ANP32A: variants seen among roughly 807,000 people sequenced by gnomAD.
ANP32A encodes the protein acidic leucine-rich nuclear phosphoprotein 32 family member A.
A neutral mutation model predicts 33.9 loss-of-function variants in ANP32A; 1 was observed. The observed-to-expected ratio is 0.03, with a 90% CI of 0.01 to 0.14. The LOEUF is 0.14. ANP32A is among the 10% of genes least tolerant of loss of function. ANP32A has a pLI of 1.00. For synonymous variants in ANP32A, 115 were observed against 120.5 expected (o/e 0.95, Z 0.30); for missense variants, 155 against 306.0 (o/e 0.51, Z 3.68).
chr15:68,798,114 T>C (rs1209664692), intron 1 of ANP32A, among the ~76,000 whole-genome samples: 2 of 152,208 alleles, frequency 1.3e-5, no homozygotes, highest in African/African-American at 4.8e-5. Context: ...GAAGCCCAGC[T>C]TGGCTGGGAC....
intron 1 of ANP32A, among the ~76,000 whole-genome samples, chr15:68,807,081 T>C (rs1014290269): frequency 2.6e-5 from 4 of 152,242 alleles, no homozygotes; most frequent in Non-Finnish European, 5.9e-5. Flanking sequence ...GCTATTGGAC[T>C]TGGCTGAGAG....
chr15:68,780,625 G>GTTCTTTACATTTATTTCTTTCA lies in ANP32A; in HGVS notation c.625-153_625-152insTGAAAGAAATAAATGTAAAGAA. 4.5e-6 allele frequency: 6 copies of GTTCTTTACATTTATTTCTTTCA among 1,321,846 alleles called. No individual in the cohort carries two copies. The highest frequency in any genetic ancestry group is 5.0e-6 in the Non-Finnish European group (5 of 998,744). The allele number at this position is 1,321,846 out of a possible 1,614,324, so 81.9% of individuals were successfully genotyped here. On this transcript the variant is annotated intron_variant, in intron 5 of 6. Transcript: ENST00000465139. The surrounding 1 kb of genome is among the most constrained non-coding windows in gnomAD (Gnocchi z 4.3). ...ATCTCGGGAGGAATGTAAAGCAGAG[G>GTTCTTTACATTTATTTCTTTCA]TTCTTAATTTATTTCAGATCAAGGA...
chr15:68,803,145 G>A (rs549487088), intron 1 of ANP32A, among the ~76,000 whole-genome samples: 3 of 152,316 alleles, frequency 2.0e-5, no homozygotes, highest in South Asian at 4.1e-4. Flanking sequence ...CACAAGGGCC[G>A]CTCAGTGTGC....
intron 1 of ANP32A, among the ~76,000 whole-genome samples, chr15:68,816,735 G>A (rs923392981): frequency 1.3e-5 from 2 of 152,172 alleles, no homozygotes; most frequent in African/African-American, 2.4e-5. Flanking sequence ...CACAAGGGCA[G>A]GTAAACGTAT....
At chr15:68,797,226 T>C (rs1247117799) in intron 1 of ANP32A, among the ~76,000 whole-genome samples, 1 of 152,214 alleles carries the variant, frequency 6.6e-6, no homozygotes, top group East Asian at 1.9e-4. Flanking sequence ...TCCCATCTGA[T>C]GTCTATCCTC....
At chr15:68,791,510 T>G (rs2140362630) in intron 1 of ANP32A, 1 of 152,788 alleles carries the variant, frequency 6.5e-6, no homozygotes, top group African/African-American at 2.4e-5. Context: ...TCTGCTCTGG[T>G]TACACATCCT....
rs552302215 is a variant in ANP32A at position 68,820,857 on chromosome 15, C to A, written c.-106G>T. 1 of 1,380,342 alleles carries A rather than the reference C, an allele frequency of 7.2e-7. No homozygotes were observed. Among genetic ancestry groups the A allele is most frequent in the East Asian group, 2.4e-5 (1 of 41,978 alleles). The allele number at this position is 1,380,342 out of a possible 1,614,324, so 85.5% of individuals were successfully genotyped here. ...AGGACTTTGAAGGCTCAACCAGCTCCGCTCGGTTCTCGAGCCCCCAGCACC... is the reference window on the plus strand; with the variant it reads ...AGGACTTTGAAGGCTCAACCAGCTCAGCTCGGTTCTCGAGCCCCCAGCACC... On this transcript the variant is annotated 5_prime_UTR_variant, in exon 1 of 7. Transcript: ENST00000465139.
rs560860942 is a variant in ANP32A, at chr15:68,818,724, C to A, written c.54+1974G>T. 8.5e-5 allele frequency among the ~76,000 whole-genome samples: 13 copies of A among 152,112 alleles called. No individual in the cohort carries two copies. In the South Asian group the frequency reaches 2.3e-3, roughly 27 times the overall value. ...GGTCGGGTTCGCCAGGCCAGCCGCG[C>A]CCCCGCACCCACCCGCGGCGACCCC... On this transcript the variant is annotated intron_variant, in intron 1 of 6. Transcript: ENST00000465139.
rs144629087 is a variant in ANP32A, at chr15:68,801,083, T to G, written c.55-13164A>C. Among the ~76,000 whole-genome samples the G allele has an allele frequency of 3.3e-5, 5 of 152,182 alleles. No homozygotes were observed. The East Asian group carries it at 7.7e-4, about 24-fold the overall frequency. ...CTTTACCCACAGGGGACATTCCACATGCAACTGGTGGTAGGATAGTGGGTT... is the reference window on the plus strand; with the variant it reads ...CTTTACCCACAGGGGACATTCCACAGGCAACTGGTGGTAGGATAGTGGGTT... On this transcript the variant is annotated intron_variant, in intron 1 of 6. Transcript: ENST00000465139.
At chr15:68,795,286 C>T (rs1894048983) in intron 1 of ANP32A, among the ~76,000 whole-genome samples, 1 of 152,158 alleles carries the variant, frequency 6.6e-6, no homozygotes, top group Non-Finnish European at 1.5e-5. Context: ...AAAAAATCTC[C>T]CCAAGAAAAA....
chr15:68,815,632 G>C (rs769972175), intron 1 of ANP32A, among the ~76,000 whole-genome samples: 2 of 152,180 alleles, frequency 1.3e-5, no homozygotes, highest in Non-Finnish European at 2.9e-5. Flanking sequence ...TGGAGCCCAG[G>C]AATCTGCATT....
intron 3 of ANP32A, among the ~76,000 whole-genome samples, chr15:68,786,448 TG>T (rs1893935029): frequency 6.6e-6 from 1 of 151,878 alleles, no homozygotes; most frequent in Admixed American, 6.6e-5. Context: ...TTAGTACAGA[TG>T]GGGTGTCACC....
In ANP32A at chr15:68,807,407, C is replaced by T. The variant is rs1055300900; in HGVS notation, c.54+13291G>A. ...CCTGCAGCTTGGCTGGTATTCCTCCCGCCCCACCTCCACAGAAAACGGGGG... is the reference window on the plus strand; with the variant it reads ...CCTGCAGCTTGGCTGGTATTCCTCCTGCCCCACCTCCACAGAAAACGGGGG... On this transcript the variant is annotated intron_variant, in intron 1 of 6. Coordinates refer to ENST00000465139, the MANE Select transcript of ANP32A (RefSeq NM_006305.4). Among the ~76,000 whole-genome samples, 10 of 144,572 alleles carry T rather than the reference C, an allele frequency of 6.9e-5. No individual in the cohort carries two copies. In the South Asian group the frequency reaches 9.1e-4, roughly 13 times the overall value. The allele number at this position is 144,572 out of a possible 152,430, so 94.8% of individuals were successfully genotyped here. A position where few individuals can be genotyped will look rare whatever the true frequency, so the allele number is the denominator to read the frequency against.
intron 1 of ANP32A, among the ~76,000 whole-genome samples, chr15:68,795,347 C>A (rs1454750806): frequency 6.6e-6 from 1 of 152,200 alleles, no homozygotes; most frequent in Non-Finnish European, 1.5e-5. Context: ...CAATAGAGCT[C>A]TGAAGGCAGG....
intron 1 of ANP32A, among the ~76,000 whole-genome samples, chr15:68,798,292 T>C (rs756941108): frequency 1.4e-4 from 21 of 152,206 alleles, no homozygotes; most frequent in Non-Finnish European, 2.2e-4. Context: ...ACCCAGGAGC[T>C]GGCAATTCAA....
At chr15:68,791,735 G>C (rs1208894298) in intron 1 of ANP32A, 1 of 152,672 alleles carries the variant, frequency 6.5e-6, no homozygotes, top group East Asian at 1.9e-4. Context: ...CACCATGCAG[G>C]GTGAGATCAC....
chr15:68,783,804 TCTGAGCACCTGGGGCTC>T (rs1195678834), intron 4 of ANP32A, among the ~76,000 whole-genome samples: 2 of 152,088 alleles, frequency 1.3e-5, no homozygotes, highest in East Asian at 1.9e-4. Flanking sequence ...GTCCTCCACT[TCTGAGCACCTGGGGCTC>T]CTGAGCACCT....
At chr15:68,792,244 G>T (rs1894006975) in intron 1 of ANP32A, 1 of 152,004 alleles carries the variant, frequency 6.6e-6, no homozygotes, top group South Asian at 2.1e-4. Flanking sequence ...CAATTCCACT[G>T]ACCATTTAAA....
intron 2 of ANP32A, 116 bp from the exon 3 acceptor site, chr15:68,787,651 T>TCTGGCATGTTGGTGCAAGCACCCGG: frequency 6.3e-7 from 1 of 1,594,754 alleles, no homozygotes; most frequent in Non-Finnish European, 8.6e-7. Context: ...CAGGCAATTG[T>TCTGGCATGTTGGTGCAAGCACCCGG]CTGGCATGTT....
Sources: allele counts gnomAD v4.1 joint callset (sites outside exome capture counted in the v4.1 genomes callset), GRCh38; gene constraint gnomAD v4.1.1; non-coding constraint Gnocchi (gnomAD v3.1); transcripts MANE v1.5; gene names NCBI Gene and HGNC (gene_info 2026-07-23, HGNC 2026-07-21).